Variants in TMEM164 observed in about 807,000 individuals in gnomAD.
The protein encoded by TMEM164 is transmembrane protein 164.
Under a neutral mutation model 18.8 loss-of-function variants are expected in TMEM164, and 4 were observed. The observed-to-expected ratio is 0.21, with a 90% CI of 0.10 to 0.49. The LOEUF (loss-of-function observed/expected upper bound fraction) is 0.49. TMEM164 is among the 20% of genes least tolerant of loss of function. The probability of loss-of-function intolerance (pLI) is 0.98; values close to 1 mark genes in which losing one functional copy is unlikely to be tolerated. For synonymous variants in TMEM164, 86 were observed against 101.7 expected (o/e 0.85, Z 0.93); for missense variants, 108 against 239.9 (o/e 0.45, Z 3.63).
chrX:110,126,258 C>T (rs748591150), intron 4 of TMEM164, among the ~76,000 whole-genome samples: 2 of 111,758 alleles, frequency 1.8e-5, no homozygotes, highest in East Asian at 5.6e-4. Flanking sequence ...GACAGAAGGA[C>T]GAGGGAATCC....
intron 2 of TMEM164, among the ~76,000 whole-genome samples, chrX:110,018,946 A>G (rs967380077): frequency 8.9e-6 from 1 of 112,462 alleles, no homozygotes; most frequent in Non-Finnish European, 1.9e-5. Flanking sequence ...TCTTGAGAGC[A>G]GGAACATTTA....
intron 2 of TMEM164, among the ~76,000 whole-genome samples, chrX:110,017,546 CCTTCCTTCCTTCCTTTCTTT>C (rs1933531357): frequency 3.2e-5 from 1 of 31,675 alleles, no homozygotes; most frequent in Non-Finnish European, 5.9e-5. Flanking sequence ...TTCCTTCCTT[CCTTCCTTCCTTCCTTTCTTT>C]CTTTCATTTT....
At chrX:110,019,611 G>A (rs933394039) in intron 2 of TMEM164, among the ~76,000 whole-genome samples, 4 of 110,881 alleles carry the variant, frequency 3.6e-5, no homozygotes, top group African/African-American at 1.3e-4. Flanking sequence ...ATCAGGGATG[G>A]TAAACACATA....
chrX:110,026,467 T>C (rs759693371), intron 2 of TMEM164, among the ~76,000 whole-genome samples: 1 of 111,260 alleles, frequency 9.0e-6, no homozygotes, highest in South Asian at 3.8e-4. Flanking sequence ...TTATAGCAGT[T>C]TGTGGCTCCC....
At chrX:110,010,854 T>C (rs1932964831) in intron 2 of TMEM164, among the ~76,000 whole-genome samples, 1 of 111,731 alleles carries the variant, frequency 9.0e-6, no homozygotes, top group South Asian at 3.8e-4. Flanking sequence ...CTGTTAGTTA[T>C]GTCAATGGAG....
At chrX:110,028,940 G>A (rs1934326847) in intron 2 of TMEM164, among the ~76,000 whole-genome samples, 1 of 111,651 alleles carries the variant, frequency 9.0e-6, no homozygotes, top group African/African-American at 3.3e-5. Context: ...TTGAGGTTGT[G>A]TTATTAGGTA....
At position 110,177,767 on chromosome X, in the gene TMEM164, G is replaced by GT; in HGVS notation, c.*4318dup. 8.9e-6 allele frequency: 1 copy of GT among 112,144 alleles called. No homozygotes were observed. The highest frequency in any genetic ancestry group is 2.8e-4 in the East Asian group (1 of 3,603). 9.2% of individuals were successfully genotyped at this position (112,144 alleles called of 1,213,427 possible). ...CTGTTATAATGTTTCTTCATTTACT[G>GT]TTATTAAAAGATTTATGAGAACCCA... On this transcript the variant is annotated 3_prime_UTR_variant, in exon 7 of 7. Coordinates refer to ENST00000372068, the MANE Select transcript of TMEM164 (RefSeq NM_032227.4).
At chrX:110,089,475 G>A (rs1025416441) in intron 3 of TMEM164, among the ~76,000 whole-genome samples, 3 of 111,895 alleles carry the variant, frequency 2.7e-5, no homozygotes, top group South Asian at 7.4e-4. Flanking sequence ...GATTACAGGC[G>A]TGAGCCACCA....
chrX:110,046,349 C>G (rs770781183), intron 2 of TMEM164: 25 of 752,495 alleles, frequency 3.3e-5, no homozygotes, highest in Non-Finnish European at 3.8e-5. Context: ...GCTTATTCCT[C>G]TTTCCAGTCA....
At chrX:110,051,221 A>T (rs1290021555) in intron 2 of TMEM164, among the ~76,000 whole-genome samples, 1 of 111,121 alleles carries the variant, frequency 9.0e-6, no homozygotes, top group Non-Finnish European at 1.9e-5. Context: ...TGACTTGTAA[A>T]CCCGGCTGTA....
chrX:110,092,788 A>C (rs956015572), intron 3 of TMEM164, among the ~76,000 whole-genome samples: 3 of 111,929 alleles, frequency 2.7e-5, no homozygotes, highest in Non-Finnish European at 5.6e-5. Context: ...GTCTTGTGCC[A>C]GTTTTCAAAG....
intron 2 of TMEM164, among the ~76,000 whole-genome samples, chrX:110,048,330 T>G (rs1935402282): frequency 9.0e-6 from 1 of 111,714 alleles, no homozygotes; most frequent in Non-Finnish European, 1.9e-5. Context: ...TCGTTTTTAT[T>G]ATAGAGTGAT....
intron 2 of TMEM164, among the ~76,000 whole-genome samples, chrX:110,005,401 G>A (rs1932638397): frequency 9.0e-6 from 1 of 111,724 alleles, no homozygotes; most frequent in Non-Finnish European, 1.9e-5. Context: ...GGGTGGTGGG[G>A]CAGTCCTGTG....
intron 2 of TMEM164, among the ~76,000 whole-genome samples, chrX:110,016,184 T>G (rs936516709): frequency 8.8e-6 from 1 of 113,044 alleles, no homozygotes; most frequent in Non-Finnish European, 1.9e-5. Context: ...ACTCCCTGCT[T>G]TGGGTCTGTC....
chrX:110,140,012 TGAG>T (rs1199798705), intron 4 of TMEM164, among the ~76,000 whole-genome samples: 3 of 110,837 alleles, frequency 2.7e-5, no homozygotes, highest in African/African-American at 9.9e-5. Context: ...GAGGAGACCT[TGAG>T]GAGCATGGAG....
chrX:110,017,964 T>G (rs866039743), intron 2 of TMEM164, among the ~76,000 whole-genome samples: 92 of 112,115 alleles, frequency 8.2e-4, no homozygotes, highest in Middle Eastern at 4.6e-3. Flanking sequence ...AGTCTGGCCC[T>G]GGTGTCACCA....
At chrX:110,056,884 T>G (rs900779468) in intron 2 of TMEM164, among the ~76,000 whole-genome samples, 3 of 110,925 alleles carry the variant, frequency 2.7e-5, no homozygotes, top group African/African-American at 9.8e-5. Context: ...TATTGTTGAG[T>G]TTTTTTAATA....
intron 5 of TMEM164, among the ~76,000 whole-genome samples, chrX:110,160,165 C>A (rs2067073546): frequency 8.9e-6 from 1 of 112,233 alleles, no homozygotes; most frequent in African/African-American, 3.2e-5. Context: ...GGCAGCAGTT[C>A]TTAACCTGGG....
intron 5 of TMEM164, among the ~76,000 whole-genome samples, chrX:110,150,670 A>G (rs1249751678): frequency 8.9e-6 from 1 of 112,403 alleles, no homozygotes; most frequent in Non-Finnish European, 1.9e-5. Context: ...ATATACAAGT[A>G]AATTTTAAAA....
Sources: gnomAD v4.1 joint callset for allele counts (sites outside exome capture counted in the v4.1 genomes callset) on GRCh38, gnomAD v4.1.1 for gene constraint, MANE v1.5 for transcripts, NCBI Gene and HGNC (gene_info 2026-07-23, HGNC 2026-07-21) for gene names.